The following CDH4 variants were observed in gnomAD, a reference collection of about 807,000 sequenced individuals.
The protein encoded by CDH4 is cadherin 4.
CDH4 carries 33 observed loss-of-function variants against 86.0 expected under a neutral mutation model. The observed-to-expected ratio is 0.38, with a 90% CI of 0.29 to 0.51. The LOEUF (loss-of-function observed/expected upper bound fraction) is 0.51, where lower values mean the gene tolerates loss of function less well. CDH4 is among the 20% of genes least tolerant of loss of function. The pLI, the probability that CDH4 is intolerant of heterozygous loss-of-function variation, is 0.86. For missense variants in CDH4, 1,114 were observed against 1,307.4 expected (o/e 0.85, Z 2.28); for synonymous variants, 555 against 549.4 (o/e 1.01, Z -0.14).
At chr20:61,446,595 G>A (rs1200626043) in intron 2 of CDH4, among the ~76,000 whole-genome samples, 1 of 152,198 alleles carries the variant, frequency 6.6e-6, no homozygotes, top group Non-Finnish European at 1.5e-5. Context: ...ATAGAAGGTG[G>A]CTGTAAAGCG....
At chr20:61,794,235 C>CCT (rs1979399168) in intron 4 of CDH4, among the ~76,000 whole-genome samples, 1 of 151,780 alleles carries the variant, frequency 6.6e-6, no homozygotes, top group Non-Finnish European at 1.5e-5. Flanking sequence ...TGGGAGAACT[C>CCT]TGATGTGAGT....
chr20:61,304,404 G>A (rs1421395920), intron 2 of CDH4, among the ~76,000 whole-genome samples: 1 of 151,918 alleles, frequency 6.6e-6, no homozygotes, highest in East Asian at 1.9e-4. Context: ...ATATTACATT[G>A]TATTGCTTCA....
At chr20:61,614,949 C>G (rs1189673177) in intron 2 of CDH4, among the ~76,000 whole-genome samples, 3 of 152,060 alleles carry the variant, frequency 2.0e-5, no homozygotes, top group East Asian at 1.9e-4. Context: ...GCCCTGCTGT[C>G]CAGGTTTCAT....
chr20:61,456,886 G>A (rs1457712863), intron 2 of CDH4, among the ~76,000 whole-genome samples: 1 of 152,182 alleles, frequency 6.6e-6, no homozygotes, highest in African/African-American at 2.4e-5. Flanking sequence ...ACTTCTCCTG[G>A]GGGTGAGTAA....
intron 2 of CDH4, among the ~76,000 whole-genome samples, chr20:61,404,555 G>A (rs531729746): frequency 7.9e-5 from 12 of 152,098 alleles, no homozygotes; most frequent in East Asian, 1.9e-4. Context: ...GATTATTCCC[G>A]ACGCCACTTG....
At chr20:61,312,784 AGCTCTGCCCCCTAGAGCTTGT>A (rs2084454334) in intron 2 of CDH4, among the ~76,000 whole-genome samples, 1 of 152,104 alleles carries the variant, frequency 6.6e-6, no homozygotes, top group Non-Finnish European at 1.5e-5. Flanking sequence ...ACAGAGCTCG[AGCTCTGCCCCCTAGAGCTTGT>A]GGGACGGGAC....
At chr20:61,821,694 G>T (rs934004943) in intron 4 of CDH4, among the ~76,000 whole-genome samples, 4 of 152,190 alleles carry the variant, frequency 2.6e-5, no homozygotes, top group Non-Finnish European at 5.9e-5. Flanking sequence ...AAAGACCCTT[G>T]GGGGGGTCTA....
At chr20:61,889,345 AGTGGATG>A (rs1450749421) in intron 7 of CDH4, among the ~76,000 whole-genome samples, 2 of 126,426 alleles carry the variant, frequency 1.6e-5, no homozygotes, top group East Asian at 2.5e-4. Flanking sequence ...TGGATGGGTG[AGTGGATG>A]GTGGATGATG....
At chr20:61,727,567 A>T (rs1366036985) in intron 2 of CDH4, among the ~76,000 whole-genome samples, 1 of 152,210 alleles carries the variant, frequency 6.6e-6, no homozygotes, top group Non-Finnish European at 1.5e-5. Flanking sequence ...TAATCGGCTC[A>T]CGGTTCTGCA....
intron 3 of CDH4, among the ~76,000 whole-genome samples, chr20:61,760,473 T>C (rs2088621408): frequency 6.6e-6 from 1 of 152,182 alleles, no homozygotes; most frequent in African/African-American, 2.4e-5. Flanking sequence ...GAGCCCAGGC[T>C]CCAGGGGCCA....
At chr20:61,625,112 C>T (rs2086817855) in intron 2 of CDH4, among the ~76,000 whole-genome samples, 1 of 152,102 alleles carries the variant, frequency 6.6e-6, no homozygotes, top group Non-Finnish European at 1.5e-5. Flanking sequence ...GCTGAAGTGT[C>T]TAATAGGACG....
intron 2 of CDH4, among the ~76,000 whole-genome samples, chr20:61,296,286 T>TGC (rs796269675): frequency 0.23 from 30,057 of 128,314 alleles, 3,553 homozygotes; most frequent in Middle Eastern, 0.29. Context: ...CGTGGGTGCG[T>TGC]GTGTGTGTGT....
chr20:61,753,608 C>T (rs1011010549), intron 3 of CDH4, among the ~76,000 whole-genome samples: 1 of 152,218 alleles, frequency 6.6e-6, no homozygotes, highest in Non-Finnish European at 1.5e-5. Context: ...AGGAAACACT[C>T]GAGACCAAGC....
At chr20:61,260,643 G>T (rs1164174891) in intron 2 of CDH4, among the ~76,000 whole-genome samples, 1 of 152,162 alleles carries the variant, frequency 6.6e-6, no homozygotes, top group Non-Finnish European at 1.5e-5. Flanking sequence ...ACTTCTTTCT[G>T]AGCACCCAGA....
At chr20:61,372,462 C>T (rs1271014599) in intron 2 of CDH4, among the ~76,000 whole-genome samples, 3 of 152,248 alleles carry the variant, frequency 2.0e-5, no homozygotes, top group Non-Finnish European at 2.9e-5. Flanking sequence ...GTCCCCATGG[C>T]TCTATTTGCA....
chr20:61,588,421 C>T lies in CDH4; in HGVS notation c.170-155142C>T, dbSNP rs143242822. ...GATTATTTCTCTGTTCTGTTCAGCT[C>T]GTACCAAGGACCAGCTCTAGGCCCT... On this transcript the variant is annotated intron_variant, in intron 2 of 15. Coordinates refer to ENST00000614565, the MANE Select transcript of CDH4 (RefSeq NM_001794.5). Among the ~76,000 whole-genome samples the T allele has an allele frequency of 9.7e-3, 1,472 of 152,164 alleles. 13 individuals carry two copies. The highest frequency in any genetic ancestry group is 0.013 in the Non-Finnish European group (903 of 68,000).
At chr20:61,389,925 C>A (rs896631683) in intron 2 of CDH4, among the ~76,000 whole-genome samples, 1 of 150,270 alleles carries the variant, frequency 6.7e-6, no homozygotes, top group Non-Finnish European at 1.5e-5. Context: ...GTCTAGGAAA[C>A]CCCGATTGGG....
intron 2 of CDH4, among the ~76,000 whole-genome samples, chr20:61,579,969 A>AAC (rs2086413295): frequency 2.0e-5 from 3 of 152,182 alleles, no homozygotes; most frequent in African/African-American, 7.2e-5. Flanking sequence ...CTGTAAAATA[A>AAC]ACATCTGTGC....
chr20:61,424,537 GCCCTGTAGA>G (rs1465155431), intron 2 of CDH4, among the ~76,000 whole-genome samples: 1 of 152,118 alleles, frequency 6.6e-6, no homozygotes, highest in Non-Finnish European at 1.5e-5. Context: ...AGACGCACAG[GCCCTGTAGA>G]CCCTCCACTG....
Sources: allele counts gnomAD v4.1 joint callset (sites outside exome capture counted in the v4.1 genomes callset), GRCh38; gene constraint gnomAD v4.1.1; transcripts MANE v1.5; gene names NCBI Gene and HGNC (gene_info 2026-07-23, HGNC 2026-07-21).